Variants in NEK4 observed in about 807,000 individuals in gnomAD.
The protein encoded by NEK4 is serine/threonine-protein kinase Nek4.
A neutral mutation model predicts 98.4 loss-of-function variants in NEK4; 86 were observed. The ratio of observed to expected loss-of-function variants is 0.87; its 90% confidence interval spans 0.73 to 1.05. The LOEUF (loss-of-function observed/expected upper bound fraction) is 1.05. Among genes scored for constraint, NEK4 ranks in the 50% least tolerant of loss-of-function variants. The pLI is 0.00. For synonymous variants in NEK4, 328 were observed against 342.2 expected (o/e 0.96, Z 0.46); for missense variants, 898 against 950.3 (o/e 0.94, Z 0.72).
At chr3:52,715,554 T>A (rs987943120) in intron 15 of NEK4, among the ~76,000 whole-genome samples, 1 of 151,936 alleles carries the variant, frequency 6.6e-6, no homozygotes, top group Non-Finnish European at 1.5e-5. Flanking sequence ...GCCCAGCTAA[T>A]TTTTTTTGGT....
rs944454385 is a variant in NEK4, at chr3:52,710,164, C to T, written c.*1613G>A. The T allele has an allele frequency of 4.6e-5, 7 of 151,808 alleles. No individual in the cohort carries two copies. The highest frequency in any genetic ancestry group is 7.0e-3 in the Middle Eastern group (2 of 286). The allele number at this position is 151,808 out of a possible 1,614,324, so 9.4% of individuals were successfully genotyped here. The stretch of plus-strand genomic sequence containing the variant: ...GATCACGAGGTCAGGAGATTGAGAC[C>T]ATCCTGGCTAACACGGTGAAACCCT... On this transcript the variant is annotated 3_prime_UTR_variant, in exon 16 of 16. Coordinates refer to ENST00000233027, the MANE Select transcript of NEK4 (RefSeq NM_003157.6).
At chr3:52,718,283 G>T (rs2097356981) in intron 15 of NEK4, among the ~76,000 whole-genome samples, 1 of 148,836 alleles carries the variant, frequency 6.7e-6, no homozygotes, top group Non-Finnish European at 1.5e-5. Context: ...GACCAGCCTG[G>T]CCAACATGGT....
At chr3:52,754,327 A>G (rs2097410901) in intron 6 of NEK4, 1 of 372,042 alleles carries the variant, frequency 2.7e-6, no homozygotes, top group African/African-American at 2.1e-5. Context: ...ATGGAGGTGG[A>G]ATCATAACCA....
chr3:52,713,607 CA>C (rs11296069), intron 15 of NEK4, among the ~76,000 whole-genome samples: 50,498 of 151,722 alleles, frequency 0.33, 9,507 homozygotes, highest in Admixed American at 0.46. Flanking sequence ...CCAGCCTGAC[CA>C]ACATGGAGAA....
chr3:52,733,480 A>G, intron 15 of NEK4: 1 of 426,408 alleles, frequency 2.3e-6, no homozygotes, highest in Non-Finnish European at 4.6e-6. Context: ...CTTCAGGCAC[A>G]AATTTTCCCT....
Position 52,709,393 on chromosome 3 carries a change from C to T in NEK4, c.*2384G>A, listed in dbSNP as rs2097348107. The T allele has an allele frequency of 6.6e-6, 1 of 151,890 alleles. No homozygotes were observed. Among genetic ancestry groups the T allele is most frequent in the South Asian group, 2.1e-4 (1 of 4,816 alleles). The allele number at this position is 151,890 out of a possible 1,614,324, so 9.4% of individuals were successfully genotyped here. A position where few individuals can be genotyped will look rare whatever the true frequency, so the allele number is the denominator to read the frequency against. Reference sequence around the variant, plus strand: ...GATGTTTAAACAAAATAAAAATATACAGTATGGTAATTAATAAGAAAGTAT... The same window carrying T: ...GATGTTTAAACAAAATAAAAATATATAGTATGGTAATTAATAAGAAAGTAT... On this transcript the variant is annotated 3_prime_UTR_variant, in exon 16 of 16. Coordinates refer to ENST00000233027, the MANE Select transcript of NEK4 (RefSeq NM_003157.6).
At chr3:52,735,550 G>A (rs1052517319) in intron 15 of NEK4, among the ~76,000 whole-genome samples, 4 of 152,210 alleles carry the variant, frequency 2.6e-5, no homozygotes, top group African/African-American at 9.7e-5. Context: ...GTTAAGAAAT[G>A]TGTTTTACGA....
Position 52,735,441 on chromosome 3 carries a change from T to C in NEK4, c.2433+2145A>G, listed in dbSNP as rs140500688. Among the ~76,000 whole-genome samples the C allele has an allele frequency of 1.4e-4, 21 of 152,376 alleles. No homozygotes were observed. In the East Asian group the frequency reaches 4.0e-3, roughly 29 times the overall value. On this transcript the variant is annotated intron_variant, in intron 15 of 15. Coordinates refer to ENST00000233027, the MANE Select transcript of NEK4 (RefSeq NM_003157.6). ...CATATGTACTGAGGGTTATTATTTA[T>C]GTCAGAAATGGACATTATAAGTTCT...
At chr3:52,759,887 G>A (rs1244423197) in intron 6 of NEK4, among the ~76,000 whole-genome samples, 4 of 152,178 alleles carry the variant, frequency 2.6e-5, no homozygotes, top group Non-Finnish European at 5.9e-5. Flanking sequence ...ATGGTAGCCA[G>A]ACCTAAAAAG....
chr3:52,725,690 T>C (rs752344694), intron 15 of NEK4, among the ~76,000 whole-genome samples: 14 of 152,118 alleles, frequency 9.2e-5, no homozygotes, highest in Non-Finnish European at 1.8e-4. Flanking sequence ...ACATTAAATA[T>C]AATCTCCATG....
chr3:52,741,295 C>A, intron 13 of NEK4, 116 bp downstream of exon 13: 2 of 570,456 alleles, frequency 3.5e-6, no homozygotes, highest in Non-Finnish European at 3.1e-6. Flanking sequence ...TGCCACAAAC[C>A]ATTTATAATT....
At chr3:52,730,258 A>T (rs532751845) in intron 15 of NEK4, among the ~76,000 whole-genome samples, 3 of 152,210 alleles carry the variant, frequency 2.0e-5, no homozygotes, top group Non-Finnish European at 4.4e-5. Context: ...ATCTGAATAG[A>T]CCCATAACTA....
Position 52,760,786 on chromosome 3 carries a change from G to T in NEK4, c.963+9C>A. On this transcript the variant is annotated intron_variant, in intron 6 of 15. Transcript: ENST00000233027. The stretch of plus-strand genomic sequence containing the variant: ...TTCTAAAACACATACCCTTTAAAAA[G>T]AAACGTACCATTATATATGTCTGGG... The T allele has an allele frequency of 6.3e-7, 1 of 1,592,712 alleles. No homozygotes were observed. The highest frequency in any genetic ancestry group is 8.5e-7 in the Non-Finnish European group (1 of 1,170,628).
intron 13 of NEK4, among the ~76,000 whole-genome samples, chr3:52,740,660 G>T: frequency 6.6e-6 from 1 of 151,816 alleles, no homozygotes; most frequent in East Asian, 1.9e-4. Flanking sequence ...GTAGCTGGGC[G>T]AGTGCCTGTA....
intron 15 of NEK4, among the ~76,000 whole-genome samples, chr3:52,723,230 A>T (rs1433960713): frequency 6.6e-6 from 1 of 152,160 alleles, no homozygotes; most frequent in South Asian, 2.1e-4. Flanking sequence ...AATAAAACAA[A>T]TATCAGTAAA....
At chr3:52,740,851 G>T (rs1480784707) in intron 13 of NEK4, among the ~76,000 whole-genome samples, 1 of 151,864 alleles carries the variant, frequency 6.6e-6, no homozygotes, top group Non-Finnish European at 1.5e-5. Context: ...CAGAGCATCA[G>T]TGAGCTGTGG....
Position 52,750,557 on chromosome 3 carries a change from C to T in NEK4, c.1369-728G>A, listed in dbSNP as rs1206131718. On this transcript the variant is annotated intron_variant, in intron 7 of 15. Transcript: ENST00000233027. ...GTGAGACTCAAACAAACAAAAAATA[C>T]ATATATGTGTGTGTATACACACACA... Among the ~76,000 whole-genome samples, 3 of 152,006 alleles carry T rather than the reference C, an allele frequency of 2.0e-5. No homozygotes were observed. The East Asian group carries it at 5.8e-4, about 29-fold the overall frequency.
At chr3:52,757,589 G>A (rs1698166736) in intron 6 of NEK4, among the ~76,000 whole-genome samples, 1 of 151,650 alleles carries the variant, frequency 6.6e-6, no homozygotes, top group African/African-American at 2.4e-5. Flanking sequence ...AGAAATCAGG[G>A]TCTCAAAGAG....
intron 15 of NEK4, among the ~76,000 whole-genome samples, chr3:52,720,815 T>C (rs1312580945): frequency 6.6e-6 from 1 of 152,176 alleles, no homozygotes. Flanking sequence ...CTCAAAGCAA[T>C]GTGAAAACAC....
Sources: allele counts gnomAD v4.1 joint callset (sites outside exome capture counted in the v4.1 genomes callset), GRCh38; gene constraint gnomAD v4.1.1; transcripts MANE v1.5; gene names NCBI Gene and HGNC (gene_info 2026-07-23, HGNC 2026-07-21).